FBXL17: variants seen among roughly 807,000 people sequenced by gnomAD.
FBXL17 encodes F-box/LRR-repeat protein 17.
In FBXL17, 22 loss-of-function variants were observed where a neutral mutation model predicts 66.2. The ratio of observed to expected loss-of-function variants is 0.33; its 90% CI spans 0.24 to 0.47. The LOEUF (loss-of-function observed/expected upper bound fraction) is 0.47. FBXL17 is among the 20% of genes least tolerant of loss of function. The pLI is 1.00. For missense variants in FBXL17, 878 were observed against 948.2 expected (o/e 0.93, Z 0.97); for synonymous variants, 474 against 400.5 (o/e 1.18, Z -2.19).
At chr5:107,864,406 T>C (rs970728643) in intron 8 of FBXL17, among the ~76,000 whole-genome samples, 1 of 152,216 alleles carries the variant, frequency 6.6e-6, no homozygotes. Context: ...GAAGAATCTA[T>C]TTTTTCTTAA....
intron 6 of FBXL17, among the ~76,000 whole-genome samples, chr5:108,158,614 A>G (rs1462165684): frequency 6.6e-6 from 1 of 151,926 alleles, no homozygotes; most frequent in Non-Finnish European, 1.5e-5. Flanking sequence ...TTAAAAAAAT[A>G]GAGAGACTGG....
intron 4 of FBXL17, among the ~76,000 whole-genome samples, chr5:108,252,188 ATT>A (rs1167430442): frequency 3.3e-5 from 5 of 152,130 alleles, no homozygotes; most frequent in Admixed American, 6.5e-5. Flanking sequence ...TTGGAGAACA[ATT>A]TGCCAATATC....
intron 5 of FBXL17, among the ~76,000 whole-genome samples, chr5:108,205,880 T>C (rs1448424020): frequency 6.6e-6 from 1 of 151,922 alleles, no homozygotes; most frequent in Non-Finnish European, 1.5e-5. Context: ...GGGATTACAG[T>C]CACTCCCCAC....
chr5:108,230,359 G>A (rs1486634262), intron 4 of FBXL17, among the ~76,000 whole-genome samples: 1 of 152,096 alleles, frequency 6.6e-6, no homozygotes, highest in Non-Finnish European at 1.5e-5. Flanking sequence ...AGACATTGTG[G>A]TATATATACA....
At chr5:108,231,425 T>C (rs576374728) in intron 4 of FBXL17, among the ~76,000 whole-genome samples, 4 of 152,254 alleles carry the variant, frequency 2.6e-5, no homozygotes, top group South Asian at 2.1e-4. Flanking sequence ...GTGTCATAAG[T>C]AGTCTTTTGT....
At chr5:107,933,984 G>A (rs184622280) in intron 7 of FBXL17, among the ~76,000 whole-genome samples, 4 of 152,140 alleles carry the variant, frequency 2.6e-5, no homozygotes, top group African/African-American at 7.2e-5. Flanking sequence ...TGAGTATAAG[G>A]CATTATTACT....
At chr5:107,908,853 T>C (rs1240848719) in intron 7 of FBXL17, among the ~76,000 whole-genome samples, 2 of 152,156 alleles carry the variant, frequency 1.3e-5, no homozygotes, top group East Asian at 1.9e-4. Flanking sequence ...AAATGCCAGT[T>C]TGAGAAGTTG....
chr5:108,344,566 C>G (rs1395208616), intron 4 of FBXL17, among the ~76,000 whole-genome samples: 2 of 152,124 alleles, frequency 1.3e-5, no homozygotes, highest in Non-Finnish European at 2.9e-5. Flanking sequence ...TAGGGCATAG[C>G]ACAGAAGCTA....
intron 4 of FBXL17, among the ~76,000 whole-genome samples, chr5:108,273,554 T>C (rs979870839): frequency 1.3e-5 from 2 of 151,734 alleles, no homozygotes; most frequent in Admixed American, 6.6e-5. Context: ...ATTCTTTTTA[T>C]CAAAATTTGT....
intron 7 of FBXL17, among the ~76,000 whole-genome samples, chr5:107,895,935 C>A (rs1374243902): frequency 1.3e-5 from 2 of 152,046 alleles, no homozygotes; most frequent in Non-Finnish European, 2.9e-5. Context: ...CCTCTTTTGC[C>A]CCCTTCACTT....
chr5:108,266,713 T>C (rs947498785), intron 4 of FBXL17, among the ~76,000 whole-genome samples: 1 of 152,078 alleles, frequency 6.6e-6, no homozygotes. Flanking sequence ...TGTGTAATTG[T>C]GAAGAAGGAA....
intron 4 of FBXL17, among the ~76,000 whole-genome samples, chr5:108,233,020 A>G (rs2150088500): frequency 6.6e-6 from 1 of 151,678 alleles, no homozygotes; most frequent in Non-Finnish European, 1.5e-5. Context: ...ATATATTTTC[A>G]TTTCTCTTGA....
chr5:108,069,765 C>T (rs1216666910), intron 6 of FBXL17, among the ~76,000 whole-genome samples: 1 of 152,210 alleles, frequency 6.6e-6, no homozygotes, highest in East Asian at 1.9e-4. Flanking sequence ...GAAATAAGAG[C>T]TGACAACTCC....
chr5:108,037,927 T>C (rs2042187), intron 6 of FBXL17, among the ~76,000 whole-genome samples: 18,141 of 152,086 alleles, frequency 0.12, 1,361 homozygotes, highest in East Asian at 0.17. Flanking sequence ...AAAAACTGAA[T>C]TTAAACAAGC....
chr5:107,927,541 T>G (rs1311073760), intron 7 of FBXL17, among the ~76,000 whole-genome samples: 1 of 152,064 alleles, frequency 6.6e-6, no homozygotes, highest in South Asian at 2.1e-4. Context: ...CCAAAACATA[T>G]AGAAAATAAA....
At chr5:108,169,516 G>A (rs1382111323) in intron 6 of FBXL17, among the ~76,000 whole-genome samples, 4 of 151,990 alleles carry the variant, frequency 2.6e-5, no homozygotes, top group Non-Finnish European at 2.9e-5. Flanking sequence ...ATAAATTGTC[G>A]CCATAAGAAT....
intron 7 of FBXL17, among the ~76,000 whole-genome samples, chr5:107,885,464 T>C (rs560682746): frequency 6.6e-6 from 1 of 152,348 alleles, no homozygotes; most frequent in East Asian, 1.9e-4. Flanking sequence ...TACAAGTTTA[T>C]TTATTGGAGC....
intron 3 of FBXL17, among the ~76,000 whole-genome samples, chr5:108,358,997 G>C (rs1462440750): frequency 6.6e-6 from 1 of 151,966 alleles, no homozygotes; most frequent in Non-Finnish European, 1.5e-5. Context: ...TCAGGCTCAT[G>C]AGTAGCTGGA....
At chr5:108,376,245 TATGCA>T (rs1351288678) in intron 1 of FBXL17, among the ~76,000 whole-genome samples, 1 of 152,224 alleles carries the variant, frequency 6.6e-6, no homozygotes, top group Non-Finnish European at 1.5e-5. Flanking sequence ...TCATGACTTC[TATGCA>T]ACATTGTACT....
Sources: allele counts gnomAD v4.1 joint callset (sites outside exome capture counted in the v4.1 genomes callset), GRCh38; gene constraint gnomAD v4.1.1; transcripts MANE v1.5; gene names NCBI Gene and HGNC (gene_info 2026-07-23, HGNC 2026-07-21).